Variants in VPS41 observed in about 807,000 individuals in gnomAD.
VPS41 encodes vacuolar protein sorting-associated protein 41 homolog.
A neutral mutation model predicts 130.9 loss-of-function variants in VPS41; 85 were observed. The observed-to-expected ratio is 0.65, with a 90% confidence interval of 0.55 to 0.78. The LOEUF is 0.78. Among genes scored for constraint, VPS41 ranks in the 30% least tolerant of loss-of-function variants. VPS41 has a pLI of 0.00. For missense variants in VPS41, 874 were observed against 1,018.7 expected (o/e 0.86, Z 1.93); for synonymous variants, 335 against 332.9 (o/e 1.01, Z -0.07).
At chr7:38,763,077 C>A (rs1189561347) in intron 17 of VPS41, among the ~76,000 whole-genome samples, 1 of 152,074 alleles carries the variant, frequency 6.6e-6, no homozygotes. Context: ...CATACTTCAG[C>A]ATTTGTAAAG....
At chr7:38,836,002 T>C (rs1035012542) in intron 4 of VPS41, among the ~76,000 whole-genome samples, 1 of 152,048 alleles carries the variant, frequency 6.6e-6, no homozygotes, top group Admixed American at 6.5e-5. Context: ...GTTTGGCTTT[T>C]TACTGTGTAT....
Position 38,808,325 on chromosome 7 carries a change from A to C in VPS41, c.450+9492T>G, listed in dbSNP as rs148219362. ...AGGAAAACTCACCGAAAAATACTTT[A>C]AACAGTAGAGCTATTTTATTGCTTG... On this transcript the variant is annotated intron_variant, in intron 7 of 28. Transcript: ENST00000310301. Among the ~76,000 whole-genome samples the C allele has an allele frequency of 9.0e-3, 1,369 of 152,310 alleles. 26 individuals are homozygous for C. Among genetic ancestry groups the C allele is most frequent in the African/African-American group, 0.03 (1,265 of 41,572 alleles).
intron 9 of VPS41, among the ~76,000 whole-genome samples, chr7:38,793,576 A>C (rs1407747481): frequency 6.6e-6 from 1 of 152,210 alleles, no homozygotes; most frequent in African/African-American, 2.4e-5. Context: ...GGCTGCTATA[A>C]CAGACTGCCA....
Position 38,728,721 on chromosome 7 carries a change from C to G in VPS41, c.2330G>C (p.Arg777Pro). ...DSLSLLKKMHRTQMKGVLVDE... is the reference protein window; with the variant it reads ...DSLSLLKKMHPTQMKGVLVDE... ...AACAAGAACACCTTTCATTTGAGTTCGGTGCATTTTCTTCAGTAAGGACAA... is the reference window on the plus strand; with the variant it reads ...AACAAGAACACCTTTCATTTGAGTTGGGTGCATTTTCTTCAGTAAGGACAA... Residue 777 changes from arginine (R) to proline (P), a missense_variant, in exon 26 of 29, where the codon CGA (arginine) becomes CCA (proline). Transcript: ENST00000310301. 6.2e-7 allele frequency: 1 copy of G among 1,614,110 alleles called. No homozygotes were observed. The highest frequency in any genetic ancestry group is 8.5e-7 in the Non-Finnish European group (1 of 1,180,014).
intron 7 of VPS41, among the ~76,000 whole-genome samples, chr7:38,815,007 A>G (rs1785014466): frequency 1.3e-5 from 2 of 152,226 alleles, no homozygotes; most frequent in Non-Finnish European, 1.5e-5. Context: ...AGCAACCTTC[A>G]GCCAGGGCCT....
intron 7 of VPS41, among the ~76,000 whole-genome samples, chr7:38,811,133 A>G (rs1784935050): frequency 6.6e-6 from 1 of 152,144 alleles, no homozygotes; most frequent in African/African-American, 2.4e-5. Flanking sequence ...AACATCAGAT[A>G]TATTTCTTAA....
chr7:38,905,169 T>C (rs1466896469), intron 1 of VPS41, among the ~76,000 whole-genome samples: 1 of 152,180 alleles, frequency 6.6e-6, no homozygotes, highest in African/African-American at 2.4e-5. Context: ...ACTAGCCCTG[T>C]GGAAGATACA....
chr7:38,739,024 G>A (rs1327177742), intron 25 of VPS41, among the ~76,000 whole-genome samples: 5 of 152,136 alleles, frequency 3.3e-5, no homozygotes, highest in South Asian at 4.1e-4. Context: ...TCTCTAACCC[G>A]CTTTTCCAAT....
intron 2 of VPS41, among the ~76,000 whole-genome samples, chr7:38,875,267 A>G (rs952285527): frequency 1.3e-5 from 2 of 152,130 alleles, no homozygotes; most frequent in African/African-American, 4.8e-5. Flanking sequence ...ATTATCACTA[A>G]AAGTACATGA....
At chr7:38,822,511 C>G (rs6946636) in intron 5 of VPS41, among the ~76,000 whole-genome samples, 108,786 of 152,170 alleles carry the variant, frequency 0.71, 40,544 homozygotes, top group African/African-American at 0.91. Flanking sequence ...GTAGAGGTTG[C>G]TTCTTTGCCA....
chr7:38,747,115 T>A (rs750212125), intron 22 of VPS41, among the ~76,000 whole-genome samples: 4 of 152,198 alleles, frequency 2.6e-5, no homozygotes, highest in Non-Finnish European at 4.4e-5. Flanking sequence ...AAAATATGGT[T>A]TACCTATTCC....
chr7:38,904,212 C>T (rs1307747683), intron 1 of VPS41, among the ~76,000 whole-genome samples: 1 of 152,214 alleles, frequency 6.6e-6, no homozygotes, highest in East Asian at 1.9e-4. Context: ...AGCCCCTGAT[C>T]TGATGAGTGT....
At chr7:38,900,500 T>C (rs1183078952) in intron 1 of VPS41, among the ~76,000 whole-genome samples, 1 of 152,128 alleles carries the variant, frequency 6.6e-6, no homozygotes, top group Admixed American at 6.5e-5. Flanking sequence ...ATGCAATATA[T>C]GTAACAAAAT....
intron 2 of VPS41, among the ~76,000 whole-genome samples, chr7:38,874,936 A>C (rs1365444025): frequency 6.6e-6 from 1 of 152,202 alleles, no homozygotes; most frequent in African/African-American, 2.4e-5. Flanking sequence ...GGAAATTTGC[A>C]TTTTAAAAAA....
At chr7:38,878,723 A>G (rs1045414176) in intron 2 of VPS41, among the ~76,000 whole-genome samples, 1 of 152,174 alleles carries the variant, frequency 6.6e-6, no homozygotes. Context: ...ATAAAGTTCA[A>G]CACTTGTTTC....
chr7:38,869,173 T>A lies in VPS41; in HGVS notation c.141A>T (p.Ala47=). The change falls in exon 3 of 29, where the codon GCA becomes GCT. Residue 47 remains alanine (A), a synonymous_variant. Coordinates refer to ENST00000310301, the MANE Select transcript of VPS41 (RefSeq NM_014396.4). The part of the protein sequence containing the change: ...NGVTEILQKD[A]ASCMTVHDKF... ...TGTCATGGACTGTCATGCAGCTAGC[T>A]GCATCCTTCTGAAGTATTTCAGTTA... 1 of 1,608,726 alleles carries A rather than the reference T, an allele frequency of 6.2e-7. No individual in the cohort carries two copies. The highest frequency in any genetic ancestry group is 2.2e-5 in the East Asian group (1 of 44,754).
At chr7:38,821,130 T>G in intron 6 of VPS41, 73 bp downstream of exon 6, 7 of 1,146,804 alleles carry the variant, frequency 6.1e-6, no homozygotes, top group Non-Finnish European at 9.1e-6. Context: ...AGTGGTAATG[T>G]TCAAATTACT....
At chr7:38,819,489 C>T (rs1785126901) in intron 6 of VPS41, among the ~76,000 whole-genome samples, 1 of 152,228 alleles carries the variant, frequency 6.6e-6, no homozygotes, top group Non-Finnish European at 1.5e-5. Flanking sequence ...AGAGTCTCTG[C>T]TGATTGTTTC....
intron 2 of VPS41, among the ~76,000 whole-genome samples, chr7:38,880,791 G>A (rs1252207802): frequency 6.6e-6 from 1 of 152,210 alleles, no homozygotes; most frequent in Admixed American, 6.5e-5. Flanking sequence ...TGAGCCTGCA[G>A]AGACAGGAAT....
Sources: allele counts gnomAD v4.1 joint callset (sites outside exome capture counted in the v4.1 genomes callset), GRCh38; gene constraint gnomAD v4.1.1; transcripts MANE v1.5; gene names NCBI Gene and HGNC (gene_info 2026-07-23, HGNC 2026-07-21).